SLC6A9: variants seen among roughly 807,000 people sequenced by gnomAD.
The protein encoded by SLC6A9 is sodium- and chloride-dependent glycine transporter 1.
Under a neutral mutation model 70.9 loss-of-function variants are expected in SLC6A9, and 31 were observed. That is an observed-to-expected ratio of 0.44 (90% CI 0.33 to 0.59). The LOEUF (loss-of-function observed/expected upper bound fraction) is 0.59, where lower values mean the gene tolerates loss of function less well. Among genes scored for constraint, SLC6A9 ranks in the 20% least tolerant of loss-of-function variants. The pLI is 0.04. For missense variants in SLC6A9, 631 were observed against 845.2 expected (o/e 0.75, Z 3.14); for synonymous variants, 310 against 341.3 (o/e 0.91, Z 1.01).
At chr1:44,010,944 G>T in intron 2 of SLC6A9, 62 bp from the exon 3 acceptor site, 2 of 1,567,452 alleles carry the variant, frequency 1.3e-6, no homozygotes, top group East Asian at 2.2e-5. Context: ...CTGACCCTCT[G>T]GGCCTCCCCC....
chr1:44,010,233 C>T, intron 3 of SLC6A9, 137 bp from the exon 4 acceptor site: 1 of 875,040 alleles, frequency 1.1e-6, no homozygotes, highest in Non-Finnish European at 1.7e-6. Flanking sequence ...TGAGCAGGAG[C>T]CTGGGCTGAG....
In SLC6A9 at chr1:44,001,582, A is replaced by G. The variant is rs202228487; in HGVS notation, c.1008T>C (p.Tyr336=). 16 of 1,614,130 alleles carry G rather than the reference A, an allele frequency of 9.9e-6. No homozygotes were observed. The highest frequency in any genetic ancestry group is 4.0e-5 in the African/African-American group (3 of 74,956). The stretch of plus-strand genomic sequence containing the variant: ...GGATGGAGAAGATGACGAAGCCAGC[A>G]TAGACGCTGGTGGCACAGTTGGTGA... ...ISITNCATSV[Y]AGFVIFSILG... The change falls in exon 9 of 14, where the codon TAT becomes TAC. Residue 336 remains tyrosine (Y), a synonymous_variant. Transcript: ENST00000372310.
At chr1:44,017,623 A>G (rs1006955536) in intron 2 of SLC6A9, among the ~76,000 whole-genome samples, 1 of 152,202 alleles carries the variant, frequency 6.6e-6, no homozygotes, top group African/African-American at 2.4e-5. Flanking sequence ...CTCAGGCTCC[A>G]CGGAGGGGTG....
At chr1:44,015,514 G>C (rs2086710907) in intron 2 of SLC6A9, among the ~76,000 whole-genome samples, 1 of 152,262 alleles carries the variant, frequency 6.6e-6, no homozygotes, top group South Asian at 2.1e-4. Context: ...GAATGGGCAA[G>C]ACCTCACATC....
chr1:44,001,868 C>T (rs2086121672), intron 8 of SLC6A9, among the ~76,000 whole-genome samples: 1 of 152,192 alleles, frequency 6.6e-6, no homozygotes, highest in African/African-American at 2.4e-5. Context: ...GCTGGGACTA[C>T]AGGTGTGTGC....
chr1:44,000,230 G>A (rs910273976), intron 12 of SLC6A9, among the ~76,000 whole-genome samples: 1 of 152,170 alleles, frequency 6.6e-6, no homozygotes, highest in African/African-American at 2.4e-5. Context: ...CTCCCTGATG[G>A]GAATTTCTCA....
rs1407020203 is a variant in SLC6A9, at chr1:44,008,563, A to T, written c.380T>A (p.Ile127Asn). 1.9e-6 allele frequency: 3 copies of T among 1,614,116 alleles called. No homozygotes were observed. Among genetic ancestry groups the T allele is most frequent in the East Asian group, 4.5e-5 (2 of 44,886 alleles). Residue 127 changes from isoleucine (I) to asparagine (N), a missense_variant, in exon 5 of 14, where the codon ATC (isoleucine) becomes AAC (asparagine). Coordinates refer to ENST00000372310, the MANE Select transcript of SLC6A9 (RefSeq NM_001024845.3). ...TYIGIYYNVV[I>N]CIAFYYFFSS... is the part of the protein sequence containing the mutation. The stretch of plus-strand genomic sequence containing the variant: ...GAAGAAGTAGTAGAAGGCGATGCAG[A>T]TGACCACATTGTAGTAGATGCCGAT...
intron 2 of SLC6A9, among the ~76,000 whole-genome samples, chr1:44,011,085 C>T (rs945862258): frequency 6.6e-6 from 1 of 152,244 alleles, no homozygotes; most frequent in Non-Finnish European, 1.5e-5. Flanking sequence ...CAGAGCTTCC[C>T]TCACCAGCCC....
chr1:44,001,894 A>G (rs1237271709), intron 8 of SLC6A9, among the ~76,000 whole-genome samples: 1 of 152,066 alleles, frequency 6.6e-6, no homozygotes, highest in African/African-American at 2.4e-5. Context: ...CACCCAGCTA[A>G]TTTTCTTTTT....
chr1:44,028,815 A>AGAAG (rs3038834), intron 1 of SLC6A9, among the ~76,000 whole-genome samples: 32,019 of 151,152 alleles, frequency 0.21, 7,239 homozygotes, highest in African/African-American at 0.58. Flanking sequence ...AAGGAAGGAA[A>AGAAG]GAAGGAAGGA....
At chr1:44,012,537 C>CA (rs2086607694) in intron 2 of SLC6A9, among the ~76,000 whole-genome samples, 1 of 152,268 alleles carries the variant, frequency 6.6e-6, no homozygotes, top group South Asian at 2.1e-4. Flanking sequence ...TTGATTCATT[C>CA]ATGCAATGGC....
chr1:44,003,072 C>G lies in SLC6A9; in HGVS notation c.591-87G>C, dbSNP rs2086181229. The G allele has an allele frequency of 5.3e-6, 8 of 1,504,764 alleles. No individual in the cohort carries two copies. The Middle Eastern group carries it at 8.1e-4, about 152-fold the overall frequency. 93.2% of individuals were successfully genotyped at this position (1,504,764 alleles called of 1,614,324 possible). ...GGCCCAGGGCCCACCCGGGCTGTAC[C>G]CTCCTTTGTCATGAGGTCCCAGCAG... On this transcript the variant is annotated intron_variant, in intron 5 of 13. Transcript: ENST00000372310.
At position 44,026,429 on chromosome 1, in the gene SLC6A9, C is replaced by A. The variant is rs898021570; in HGVS notation, c.-85-2067G>T. ...ATCCCAGCACTTTGGGAGGCCGAGG[C>A]GGGCGGATCACCTGAGGTCAGGAGT... On this transcript the variant is annotated intron_variant, in intron 1 of 13. Coordinates refer to ENST00000372310, the MANE Select transcript of SLC6A9 (RefSeq NM_001024845.3). 3.3e-5 allele frequency among the ~76,000 whole-genome samples: 5 copies of A among 152,122 alleles called. 1 individual carries two copies. Among genetic ancestry groups the A allele is most frequent in the Non-Finnish European group, 1.5e-5 (1 of 68,018 alleles).
At position 43,997,582 on chromosome 1, in the gene SLC6A9, C is replaced by A. The variant is rs202174245; in HGVS notation, c.1865G>T (p.Ser622Ile). 26 of 1,613,844 alleles carry A rather than the reference C, an allele frequency of 1.6e-5. No homozygotes were observed. The highest frequency in any genetic ancestry group is 2.1e-5 in the Non-Finnish European group (25 of 1,179,994). The change falls in exon 14 of 14, where the codon AGT becomes ATT. Residue 622 changes from serine to isoleucine, a missense_variant. Physicochemically the swap from Ser to Ile is moderately radical, Grantham distance 142. Transcript: ENST00000372310. This position sits in a 1 kb window ranked among gnomAD's most constrained non-coding sequence, Gnocchi z 4.4. The stretch of plus-strand genomic sequence containing the variant: ...GTCCTGGAGGCGGCTGGAGCCATTA[C>A]TGCCCACAATGGGGATCTGCGCCTT... Reference protein sequence around the residue: ...PDKAQIPIVGSNGSSRLQDSR... With the variant: ...PDKAQIPIVGINGSSRLQDSR...
intron 1 of SLC6A9, among the ~76,000 whole-genome samples, chr1:44,026,505 A>T (rs963949832): frequency 3.3e-5 from 5 of 152,102 alleles, no homozygotes; most frequent in Non-Finnish European, 7.4e-5. Context: ...CTAAAAATAT[A>T]AAAATTAACC....
intron 1 of SLC6A9, among the ~76,000 whole-genome samples, chr1:44,030,291 C>T (rs1421175469): frequency 6.6e-6 from 1 of 152,076 alleles, no homozygotes; most frequent in Non-Finnish European, 1.5e-5. Context: ...CCTAAGCTGG[C>T]GTGGAGGCGG....
chr1:44,025,064 T>A (rs1452852451), intron 1 of SLC6A9, among the ~76,000 whole-genome samples: 5 of 152,244 alleles, frequency 3.3e-5, no homozygotes. Flanking sequence ...GTACTCTTAT[T>A]TCATATGACA....
At chr1:44,019,707 C>T (rs569282266) in intron 2 of SLC6A9, among the ~76,000 whole-genome samples, 23 of 152,366 alleles carry the variant, frequency 1.5e-4, no homozygotes, top group African/African-American at 5.3e-4. Context: ...GCCTCATTAG[C>T]GAGATCCAGC....
intron 5 of SLC6A9, among the ~76,000 whole-genome samples, chr1:44,003,816 C>A (rs1296583882): frequency 6.6e-6 from 1 of 151,644 alleles, no homozygotes; most frequent in African/African-American, 2.4e-5. Context: ...CCATCTGGCA[C>A]CCTATGTCAT....
Sources: gnomAD v4.1 joint callset for allele counts (sites outside exome capture counted in the v4.1 genomes callset) on GRCh38, gnomAD v4.1.1 for gene constraint, Gnocchi (gnomAD v3.1) non-coding constraint, MANE v1.5 for transcripts, NCBI Gene and HGNC (gene_info 2026-07-23, HGNC 2026-07-21) for gene names.